The following JAK1 variants were observed in gnomAD, a reference collection of about 807,000 sequenced individuals.
JAK1 encodes the protein Janus kinase 1.
JAK1 carries 16 observed loss-of-function variants against 136.6 expected under a neutral mutation model. The observed-to-expected ratio is 0.12, with a 90% CI of 0.08 to 0.18. The LOEUF is 0.18. Ranked by LOEUF, JAK1 falls within the 10% of genes least tolerant of loss-of-function variation. The pLI, the probability that JAK1 is intolerant of heterozygous loss-of-function variation, is 1.00. For missense variants in JAK1, 859 were observed against 1,450.1 expected (o/e 0.59, Z 6.62); for synonymous variants, 492 against 519.5 (o/e 0.95, Z 0.72).
At chr1:64,998,864 C>T (rs1646727663) in intron 2 of JAK1, among the ~76,000 whole-genome samples, 1 of 152,186 alleles carries the variant, frequency 6.6e-6, no homozygotes, top group Non-Finnish European at 1.5e-5. Context: ...CCAACTAAAA[C>T]TTCTTCCTTT....
chr1:64,952,287 A>G (rs567655672), intron 1 of JAK1, among the ~76,000 whole-genome samples: 11 of 152,212 alleles, frequency 7.2e-5, no homozygotes, highest in African/African-American at 2.6e-4. Context: ...GGATTGTGAA[A>G]CCAAGGGCCA....
intron 1 of JAK1, among the ~76,000 whole-genome samples, chr1:64,951,454 G>A (rs1646085849): frequency 6.6e-6 from 1 of 151,996 alleles, no homozygotes; most frequent in South Asian, 2.1e-4. Flanking sequence ...TTCCTACTAC[G>A]TGCCAAACAC....
chr1:64,910,958 C>T (rs1230215260), intron 1 of JAK1, among the ~76,000 whole-genome samples: 1 of 151,984 alleles, frequency 6.6e-6, no homozygotes, highest in Non-Finnish European at 1.5e-5. Context: ...AAAGCCATTT[C>T]CCGCTGGGGT....
chr1:64,877,116 G>T (rs1644685117), intron 4 of JAK1, among the ~76,000 whole-genome samples: 1 of 152,082 alleles, frequency 6.6e-6, no homozygotes, highest in African/African-American at 2.4e-5. Flanking sequence ...AGATACCTGA[G>T]GATAACTATG....
chr1:64,931,398 T>C (rs1645689573), intron 1 of JAK1, among the ~76,000 whole-genome samples: 1 of 152,064 alleles, frequency 6.6e-6, no homozygotes, highest in Non-Finnish European at 1.5e-5. Context: ...AGGTTTCATC[T>C]ACCATGGGCA....
chr1:64,939,816 A>T (rs910930196), intron 1 of JAK1, among the ~76,000 whole-genome samples: 1 of 152,182 alleles, frequency 6.6e-6, no homozygotes, highest in African/African-American at 2.4e-5. Flanking sequence ...CCAGAAACAA[A>T]ATAAGAGAAT....
At chr1:64,939,028 T>C (rs1645840580) in intron 1 of JAK1, among the ~76,000 whole-genome samples, 2 of 152,288 alleles carry the variant, frequency 1.3e-5, no homozygotes, top group East Asian at 3.9e-4. Context: ...CAGGCTGGAG[T>C]GCAATGGCAT....
At chr1:64,972,013 A>C (rs896725861) in intron 2 of JAK1, among the ~76,000 whole-genome samples, 3 of 152,182 alleles carry the variant, frequency 2.0e-5, no homozygotes, top group African/African-American at 7.2e-5. Context: ...TGGGCAACAG[A>C]ACAAGACCTT....
At chr1:64,957,930 C>A (rs150216627) in intron 1 of JAK1, among the ~76,000 whole-genome samples, 2,042 of 128,590 alleles carry the variant, frequency 0.016, 46 homozygotes, top group African/African-American at 0.057. Flanking sequence ...GGCGAAAGAG[C>A]GAGACTCCGT....
chr1:65,013,472 C>T (rs1646867495), intron 2 of JAK1, among the ~76,000 whole-genome samples: 2 of 151,840 alleles, frequency 1.3e-5, no homozygotes, highest in Admixed American at 1.3e-4. Flanking sequence ...TCAAAGGCTA[C>T]ATTTTCCCCA....
At chr1:65,047,448 A>G (rs574364845) in intron 1 of JAK1, among the ~76,000 whole-genome samples, 1 of 152,256 alleles carries the variant, frequency 6.6e-6, no homozygotes, top group African/African-American at 2.4e-5. Flanking sequence ...GCTGGGCGCG[A>G]TGGCTCACGC....
intron 1 of JAK1, among the ~76,000 whole-genome samples, chr1:65,053,985 G>A (rs912242269): frequency 4.6e-5 from 7 of 152,186 alleles, no homozygotes; most frequent in African/African-American, 1.7e-4. Context: ...GTATGATCAA[G>A]GTAGAATACT....
intron 2 of JAK1, among the ~76,000 whole-genome samples, chr1:64,975,222 T>C (rs912435970): frequency 2.6e-5 from 4 of 152,138 alleles, no homozygotes; most frequent in Non-Finnish European, 5.9e-5. Flanking sequence ...TAGCCTCCTC[T>C]GTAGCTAGGA....
chr1:65,026,095 C>T (rs1646975797), intron 2 of JAK1, among the ~76,000 whole-genome samples: 1 of 152,178 alleles, frequency 6.6e-6, no homozygotes, highest in Non-Finnish European at 1.5e-5. Context: ...AGGATATTCA[C>T]TCTGAAATCC....
intron 1 of JAK1, among the ~76,000 whole-genome samples, chr1:65,051,478 G>A (rs933314693): frequency 1.3e-5 from 2 of 151,924 alleles, no homozygotes; most frequent in Non-Finnish European, 2.9e-5. Context: ...CAGCACACCC[G>A]GGTTGATCAC....
chr1:65,060,287 A>T (rs1435575896), intron 1 of JAK1, among the ~76,000 whole-genome samples: 2 of 152,208 alleles, frequency 1.3e-5, no homozygotes, highest in African/African-American at 4.8e-5. Context: ...AAAAAGGATA[A>T]GATTATCAAC....
intron 1 of JAK1, among the ~76,000 whole-genome samples, chr1:64,913,709 G>GAAAGA (rs1557686885): frequency 2.4e-4 from 5 of 21,166 alleles, no homozygotes; most frequent in Admixed American, 1.4e-3. Context: ...GGAAAGAAGG[G>GAAAGA]AGGGAGGGAG....
chr1:64,912,367 G>C (rs1645299269), intron 1 of JAK1, among the ~76,000 whole-genome samples: 1 of 152,250 alleles, frequency 6.6e-6, no homozygotes, highest in South Asian at 2.1e-4. Context: ...TCTTCTTACT[G>C]ATTTTCTTTT....
At chr1:64,961,158 T>TA (rs1557728235) in intron 1 of JAK1, among the ~76,000 whole-genome samples, 1 of 152,172 alleles carries the variant, frequency 6.6e-6, no homozygotes. Context: ...ACCAGTTAGA[T>TA]AAACTGTCAA....
Sources: gnomAD v4.1 joint callset for allele counts (sites outside exome capture counted in the v4.1 genomes callset) on GRCh38, gnomAD v4.1.1 for gene constraint, MANE v1.5 for transcripts, NCBI Gene and HGNC (gene_info 2026-07-23, HGNC 2026-07-21) for gene names.